CTBP2: variants seen among roughly 807,000 people sequenced by gnomAD.
CTBP2 encodes C-terminal-binding protein 2.
A neutral mutation model predicts 80.3 loss-of-function variants in CTBP2; 30 were observed. That is an observed-to-expected ratio of 0.37 (90% confidence interval 0.28 to 0.51). CTBP2 has a LOEUF of 0.51. Among genes scored for constraint, CTBP2 ranks in the 20% least tolerant of loss-of-function variants. The probability of loss-of-function intolerance (pLI) is 0.93; values close to 1 mark genes in which losing one functional copy is unlikely to be tolerated. For missense variants in CTBP2, 1,212 were observed against 1,375.3 expected (o/e 0.88, Z 1.88); for synonymous variants, 594 against 587.4 (o/e 1.01, Z -0.16).
chr10:125,035,761 G>C (rs965747325), intron 3 of CTBP2, among the ~76,000 whole-genome samples: 1 of 152,274 alleles, frequency 6.6e-6, no homozygotes, highest in East Asian at 1.9e-4. Context: ...GGCATAATGC[G>C]ATAAAGTAGG....
chr10:125,020,049 G>C (rs1375423696), intron 1 of CTBP2, among the ~76,000 whole-genome samples: 1 of 152,190 alleles, frequency 6.6e-6, no homozygotes, highest in East Asian at 1.9e-4. Flanking sequence ...AAATAGCGTA[G>C]GGGCCCATTG....
At chr10:125,108,161 C>A (rs1362309313) in intron 2 of CTBP2, among the ~76,000 whole-genome samples, 1 of 152,206 alleles carries the variant, frequency 6.6e-6, no homozygotes, top group Non-Finnish European at 1.5e-5. Context: ...GAACATGCAT[C>A]CGATCTAAAT....
Position 125,157,228 on chromosome 10 carries a change from A to G in CTBP2, c.-206+3091T>C, listed in dbSNP as rs181624508. The stretch of plus-strand genomic sequence containing the variant: ...AGGGACAATGAGGCTTTTTAAAATC[A>G]GTTAAGAAAAGGTAATTCACCCTGC... On this transcript the variant is annotated intron_variant, in intron 1 of 10. Transcript: ENST00000337195. Among the ~76,000 whole-genome samples the G allele has an allele frequency of 1.1e-3, 168 of 152,330 alleles. 1 individual carries two copies. Among genetic ancestry groups the G allele is most frequent in the Admixed American group, 1.9e-3 (29 of 15,302 alleles).
chr10:125,147,601 T>C (rs770215536), intron 1 of CTBP2, among the ~76,000 whole-genome samples: 1 of 152,086 alleles, frequency 6.6e-6, no homozygotes, highest in Non-Finnish European at 1.5e-5. Context: ...CCAGGTATTT[T>C]TAACATAGCA....
rs3824799 is a variant in CTBP2 at position 124,995,647 on chromosome 10, G to A, written c.2186-964C>T. On this transcript the variant is annotated intron_variant, in intron 4 of 8. Coordinates refer to ENST00000309035, the MANE Select transcript of CTBP2 (RefSeq NM_022802.3). ...CGATGGCCTGGCTAGGACAACTGCC[G>A]TAGTTTAGAACAAAGGTTGAATAAG... is the stretch of plus-strand genomic sequence containing the variant. Among the ~76,000 whole-genome samples the A allele has an allele frequency of 4.4e-3, 677 of 152,290 alleles. 42 individuals are homozygous for A. In the East Asian group the frequency reaches 0.11, roughly 25 times the overall value.
upstream of CTBP2, among the ~76,000 whole-genome samples, chr10:125,031,171 T>C (rs1282656631): frequency 6.6e-6 from 1 of 152,070 alleles, no homozygotes; most frequent in Admixed American, 6.6e-5. Context: ...TCAAGTTAAG[T>C]GTTGTGGAAT....
At chr10:125,077,342 G>A (rs1365288320) in intron 2 of CTBP2, among the ~76,000 whole-genome samples, 1 of 152,190 alleles carries the variant, frequency 6.6e-6, no homozygotes, top group Non-Finnish European at 1.5e-5. Context: ...GTGAGCTGGG[G>A]AAGAGTTGGT....
chr10:125,078,374 C>T (rs1846625260), intron 2 of CTBP2, among the ~76,000 whole-genome samples: 1 of 151,246 alleles, frequency 6.6e-6, no homozygotes, highest in African/African-American at 2.4e-5. Flanking sequence ...ATTTCCTAGG[C>T]GAAGATAGGT....
At chr10:125,088,926 T>A (rs1848384973) in intron 2 of CTBP2, among the ~76,000 whole-genome samples, 1 of 152,204 alleles carries the variant, frequency 6.6e-6, no homozygotes, top group South Asian at 2.1e-4. Context: ...AAGATCAAGA[T>A]GAGATAAATA....
chr10:125,147,270 C>T (rs1046813899), intron 1 of CTBP2, among the ~76,000 whole-genome samples: 2 of 152,218 alleles, frequency 1.3e-5, no homozygotes, highest in African/African-American at 4.8e-5. Flanking sequence ...ACCTGAGCGA[C>T]CCTTCTCAAC....
intron 1 of CTBP2, among the ~76,000 whole-genome samples, chr10:125,009,704 C>T (rs1590044399): frequency 6.6e-6 from 1 of 152,170 alleles, no homozygotes. Context: ...CGTGACAGGG[C>T]CAAGCTGGGG....
rs1844596007 is a variant in CTBP2 at position 125,066,132 on chromosome 10, G to A, written c.-101-26977C>T. On this transcript the variant is annotated intron_variant, in intron 2 of 10. Coordinates refer to the CTBP2 transcript ENST00000337195. The surrounding 1 kb of genome is among the most constrained non-coding windows in gnomAD (Gnocchi z 4.1). ...AACTCCCTCTAATGCTCAGGCTGAT[G>A]TCCTAACACCCAGGACAACGTCTGA... 6.6e-6 allele frequency among the ~76,000 whole-genome samples: 1 copy of A among 151,650 alleles called. No individual in the cohort carries two copies. The highest frequency in any genetic ancestry group is 1.5e-5 in the Non-Finnish European group (1 of 67,966).
intron 1 of CTBP2, among the ~76,000 whole-genome samples, chr10:125,134,676 C>A (rs557817137): frequency 2.0e-5 from 3 of 152,108 alleles, no homozygotes; most frequent in African/African-American, 7.2e-5. Context: ...CGCGGGAGGA[C>A]GAAGAGAACC....
intron 3 of CTBP2, chr10:125,000,168 G>A (rs747122543): frequency 6.6e-6 from 1 of 152,350 alleles, no homozygotes; most frequent in Non-Finnish European, 1.5e-5. Context: ...GGGAGATGGT[G>A]CAGGAGGAAG....
At chr10:125,028,421 A>G (rs1168599976), upstream of CTBP2, among the ~76,000 whole-genome samples, 1 of 152,206 alleles carries the variant, frequency 6.6e-6, no homozygotes, top group Non-Finnish European at 1.5e-5. Context: ...AACACAAATT[A>G]AACATGGATA....
At chr10:125,036,050 AT>A (rs1436598061) in intron 3 of CTBP2, among the ~76,000 whole-genome samples, 1 of 152,256 alleles carries the variant, frequency 6.6e-6, no homozygotes, top group Non-Finnish European at 1.5e-5. Context: ...AAAGACCATT[AT>A]TCCAGCTCAT....
intron 2 of CTBP2, among the ~76,000 whole-genome samples, chr10:125,083,844 G>T (rs559633786): frequency 1.3e-5 from 2 of 152,104 alleles, no homozygotes; most frequent in East Asian, 1.9e-4. Context: ...GCAGTGGTGC[G>T]ATCTGGGCTC....
Position 124,988,025 on chromosome 10 carries a change from T to C in CTBP2, c.*1493A>G, listed in dbSNP as rs559340711. 1 of 152,688 alleles carries C rather than the reference T, an allele frequency of 6.5e-6. No homozygotes were observed. Among genetic ancestry groups the C allele is most frequent in the East Asian group, 1.9e-4 (1 of 5,180 alleles). The allele number at this position is 152,688 out of a possible 1,614,324, so 9.5% of individuals were successfully genotyped here. On this transcript the variant is annotated 3_prime_UTR_variant, in exon 9 of 9. Transcript: ENST00000309035. ...TGAACCAGGTCCAGGTCATTTTGCTTTGGGGTAGATTAAAGTCAGAACTCT... is the reference window on the plus strand; with the variant it reads ...TGAACCAGGTCCAGGTCATTTTGCTCTGGGGTAGATTAAAGTCAGAACTCT...
chr10:125,003,529 G>C, intron 1 of CTBP2, 37 bp from the exon 4 acceptor site: 2 of 1,503,752 alleles, frequency 1.3e-6, no homozygotes, highest in Non-Finnish European at 1.8e-6. Context: ...GTGGGTGGGT[G>C]GCTGGGGCCA....
Sources: gnomAD v4.1 joint callset for allele counts (sites outside exome capture counted in the v4.1 genomes callset) on GRCh38, gnomAD v4.1.1 for gene constraint, Gnocchi (gnomAD v3.1) non-coding constraint, MANE v1.5 for transcripts, NCBI Gene and HGNC (gene_info 2026-07-23, HGNC 2026-07-21) for gene names.